The following OR7C1 variants were observed in gnomAD, a reference collection of about 807,000 sequenced individuals.
The protein encoded by OR7C1 is olfactory receptor family 7 subfamily C member 1, also known as olfactory receptor 7C1.
For synonymous variants in OR7C1, 152 were observed against 160.7 expected (o/e 0.95, Z 0.41); for missense variants, 324 against 383.3 (o/e 0.85, Z 1.29).
At chr19:14,827,716 G>T in intron 1 of OR7C1, 8 of 1,614,142 alleles carry the variant, frequency 5.0e-6, no homozygotes, top group Non-Finnish European at 6.8e-6. Context: ...CAGAAAAAGT[G>T]GGGGATTTCT....
chr19:14,799,962 T>TG lies in OR7C1; in HGVS notation c.174dup (p.Met59HisfsTer12), dbSNP rs1238633049. 6.2e-7 allele frequency: 1 copy of TG among 1,613,752 alleles called. No individual in the cohort carries two copies. The highest frequency in any genetic ancestry group is 1.3e-5 in the African/African-American group (1 of 74,828). ...GACAGGTTGGAGAGGAAGAAGTACA[T>TG]GGGGGTGTGGAGGTGGGAGTCTGAG... On this transcript the variant is annotated frameshift_variant, in exon 5 of 5. Transcript: ENST00000641666. LOFTEE classifies it low-confidence loss of function (END_TRUNC).
chr19:14,806,244 G>T lies in OR7C1; in HGVS notation c.-435+3562C>A, dbSNP rs576984537. Among the ~76,000 whole-genome samples the T allele has an allele frequency of 2.6e-5, 4 of 151,976 alleles. No homozygotes were observed. The East Asian group carries it at 5.8e-4, about 22-fold the overall frequency. On this transcript the variant is annotated intron_variant, in intron 2 of 4. Coordinates refer to ENST00000641666, the Ensembl canonical transcript of OR7C1. The stretch of plus-strand genomic sequence containing the variant: ...TAGCCTACATTAAGGAACATTTCAA[G>T]AATCTAAAAATGTGTTTTTGGATTC...
intron 1 of OR7C1, among the ~76,000 whole-genome samples, chr19:14,829,554 A>G (rs983432629): frequency 5.3e-5 from 8 of 152,202 alleles, no homozygotes; most frequent in Admixed American, 5.2e-4. Context: ...CAGTGTGGCC[A>G]GGGAATCAGT....
chr19:14,805,022 C>G (rs968194871), intron 2 of OR7C1, among the ~76,000 whole-genome samples: 1 of 151,802 alleles, frequency 6.6e-6, no homozygotes, highest in East Asian at 1.9e-4. Context: ...CAAGAATGCA[C>G]CGTCACACCC....
chr19:14,819,185 G>A (rs963579632), intron 1 of OR7C1, among the ~76,000 whole-genome samples: 1 of 151,594 alleles, frequency 6.6e-6, no homozygotes, highest in Admixed American at 6.6e-5. Flanking sequence ...TTAATTTCGG[G>A]GGTACATGTG....
chr19:14,811,623 A>G (rs1476115272), intron 1 of OR7C1, among the ~76,000 whole-genome samples: 1 of 151,926 alleles, frequency 6.6e-6, no homozygotes, highest in Admixed American at 6.6e-5. Flanking sequence ...ACTGTGCTCA[A>G]ATAAAGCCTT....
intron 1 of OR7C1, among the ~76,000 whole-genome samples, chr19:14,819,752 A>C (rs1484267305): frequency 6.6e-6 from 1 of 152,176 alleles, no homozygotes; most frequent in Non-Finnish European, 1.5e-5. Flanking sequence ...ATAACTTTAC[A>C]TACTGTTGTT....
chr19:14,808,668 A>G (rs1489167753), intron 2 of OR7C1, among the ~76,000 whole-genome samples: 1 of 151,962 alleles, frequency 6.6e-6, no homozygotes, highest in East Asian at 1.9e-4. Flanking sequence ...CCTATTGGGT[A>G]CAATGTACAC....
chr19:14,806,617 G>A (rs757012494), intron 2 of OR7C1, among the ~76,000 whole-genome samples: 1 of 151,890 alleles, frequency 6.6e-6, no homozygotes, highest in Non-Finnish European at 1.5e-5. Flanking sequence ...TCCCACTTAT[G>A]AGTGAGAACA....
chr19:14,822,672 G>A (rs762008303), intron 1 of OR7C1, among the ~76,000 whole-genome samples: 6 of 151,908 alleles, frequency 3.9e-5, no homozygotes, highest in South Asian at 2.1e-4. Context: ...ATGAGCCACC[G>A]CACCCAGCCA....
At chr19:14,830,899 GA>G (rs1370081165) in intron 1 of OR7C1, among the ~76,000 whole-genome samples, 1 of 152,132 alleles carries the variant, frequency 6.6e-6, no homozygotes, top group Non-Finnish European at 1.5e-5. Flanking sequence ...TCAGCTGATG[GA>G]AAAATGCAAG....
chr19:14,804,625 A>T (rs944675375), intron 2 of OR7C1, among the ~76,000 whole-genome samples: 1 of 152,032 alleles, frequency 6.6e-6, no homozygotes. Context: ...TTTACATGCA[A>T]TCTCATTTAC....
chr19:14,805,920 T>A (rs1311199360), intron 2 of OR7C1, among the ~76,000 whole-genome samples: 1 of 151,994 alleles, frequency 6.6e-6, no homozygotes, highest in Non-Finnish European at 1.5e-5. Flanking sequence ...GGACATATAC[T>A]GATATGAGTC....
chr19:14,808,942 C>CT (rs552973371), intron 2 of OR7C1, among the ~76,000 whole-genome samples: 48 of 152,032 alleles, frequency 3.2e-4, no homozygotes, highest in African/African-American at 9.7e-4. Context: ...GTATGCCCCC[C>CT]TTTTTTTACT....
At chr19:14,820,314 A>G (rs957758923) in intron 1 of OR7C1, among the ~76,000 whole-genome samples, 5 of 150,710 alleles carry the variant, frequency 3.3e-5, no homozygotes, top group Non-Finnish European at 7.4e-5. Flanking sequence ...CTTTTGTTTA[A>G]TAAGTTCTTA....
chr19:14,824,377 T>A (rs1457884864), intron 1 of OR7C1: 1 of 152,206 alleles, frequency 6.6e-6, no homozygotes, highest in Non-Finnish European at 1.5e-5. Flanking sequence ...TCCTACTCCC[T>A]TTCTCCCCAC....
intron 2 of OR7C1, among the ~76,000 whole-genome samples, chr19:14,808,780 T>A (rs8111701): frequency 6.6e-6 from 1 of 152,002 alleles, no homozygotes; most frequent in South Asian, 2.1e-4. Flanking sequence ...AAAATAAAAG[T>A]TTTTCCATTT....
chr19:14,823,917 T>G (rs537573754), intron 1 of OR7C1, among the ~76,000 whole-genome samples: 2,652 of 152,208 alleles, frequency 0.017, 69 homozygotes, highest in African/African-American at 0.061. Context: ...TTTTTTTTTT[T>G]TGGCAATTTG....
intron 1 of OR7C1, among the ~76,000 whole-genome samples, chr19:14,832,613 G>A (rs2044844375): frequency 6.6e-6 from 1 of 151,392 alleles, no homozygotes; most frequent in African/African-American, 2.4e-5. Flanking sequence ...TTTTAATAGA[G>A]TCGGGGTTTC....
Sources: gnomAD v4.1 joint callset for allele counts (sites outside exome capture counted in the v4.1 genomes callset) on GRCh38, gnomAD v4.1.1 for gene constraint, MANE v1.5 for transcripts, NCBI Gene and HGNC (gene_info 2026-07-23, HGNC 2026-07-21) for gene names.